The following EPHA6 variants were observed in gnomAD, a reference collection of about 807,000 sequenced individuals.
The protein encoded by EPHA6 is EPH receptor A6, also known as ephrin type-A receptor 6.
EPHA6 carries 50 observed loss-of-function variants against 112.0 expected under a neutral mutation model. That is an observed-to-expected ratio of 0.45 (90% CI 0.36 to 0.56). The LOEUF (loss-of-function observed/expected upper bound fraction) is 0.56. Ranked by LOEUF, EPHA6 falls within the 20% of genes least tolerant of loss-of-function variation. The probability of loss-of-function intolerance (pLI) is 0.00; values close to 1 mark genes in which losing one functional copy is unlikely to be tolerated. For synonymous variants in EPHA6, 529 were observed against 490.7 expected (o/e 1.08, Z -1.03); for missense variants, 1,280 against 1,417.4 (o/e 0.90, Z 1.56).
chr3:96,960,537 T>C (rs1191940306), intron 2 of EPHA6, among the ~76,000 whole-genome samples: 1 of 152,144 alleles, frequency 6.6e-6, no homozygotes, highest in Non-Finnish European at 1.5e-5. Context: ...CCTACCCCAA[T>C]CTTCAAATAT....
chr3:96,818,695 G>A (rs962746196), intron 1 of EPHA6, among the ~76,000 whole-genome samples: 2 of 151,778 alleles, frequency 1.3e-5, no homozygotes, highest in African/African-American at 4.8e-5. Context: ...TAGAAATGGA[G>A]ACATTGAGGA....
intron 11 of EPHA6, among the ~76,000 whole-genome samples, chr3:97,563,563 G>C (rs938880895): frequency 6.6e-6 from 1 of 152,120 alleles, no homozygotes; most frequent in Admixed American, 6.6e-5. Context: ...AGATGTATAC[G>C]TTCAAACCAT....
intron 5 of EPHA6, among the ~76,000 whole-genome samples, chr3:97,273,803 A>G (rs1394618551): frequency 6.6e-6 from 1 of 152,214 alleles, no homozygotes; most frequent in Non-Finnish European, 1.5e-5. Flanking sequence ...TATGTCTGAC[A>G]GAAGGGAAGA....
intron 12 of EPHA6, among the ~76,000 whole-genome samples, chr3:97,608,466 A>G (rs1445867505): frequency 6.6e-6 from 1 of 151,348 alleles, no homozygotes; most frequent in Non-Finnish European, 1.5e-5. Context: ...AACCCAGTGA[A>G]TGAGGATACA....
chr3:97,221,668 T>C (rs369032110), intron 3 of EPHA6, among the ~76,000 whole-genome samples: 12 of 152,160 alleles, frequency 7.9e-5, no homozygotes, highest in African/African-American at 2.7e-4. Flanking sequence ...ACAGAATACT[T>C]GTGCAATTAT....
At chr3:97,422,465 G>A (rs924189891) in intron 6 of EPHA6, among the ~76,000 whole-genome samples, 2 of 152,126 alleles carry the variant, frequency 1.3e-5, no homozygotes, top group African/African-American at 4.8e-5. Flanking sequence ...CAGGTTTTTA[G>A]AGACCTCTGA....
intron 5 of EPHA6, among the ~76,000 whole-genome samples, chr3:97,285,647 A>G (rs1414368860): frequency 6.8e-6 from 1 of 146,902 alleles, no homozygotes; most frequent in Admixed American, 6.7e-5. Flanking sequence ...TTGATTCCAT[A>G]TATTTGCTAT....
At chr3:97,430,409 T>C (rs1231174402) in intron 6 of EPHA6, among the ~76,000 whole-genome samples, 2 of 152,060 alleles carry the variant, frequency 1.3e-5, no homozygotes, top group African/African-American at 4.8e-5. Context: ...GGTCAGCAAC[T>C]AAAATTTCAA....
intron 3 of EPHA6, among the ~76,000 whole-genome samples, chr3:97,070,185 T>A (rs2046309548): frequency 1.3e-5 from 2 of 152,146 alleles, no homozygotes; most frequent in South Asian, 4.1e-4. Flanking sequence ...ACCAATATTA[T>A]CTTTGTCATC....
intron 14 of EPHA6, among the ~76,000 whole-genome samples, chr3:97,689,448 A>G (rs932400860): frequency 3.3e-5 from 5 of 152,034 alleles, no homozygotes; most frequent in African/African-American, 9.7e-5. Context: ...TAGAAGGGTA[A>G]TTTTTTGGCG....
At chr3:97,003,112 T>C (rs947954554) in intron 3 of EPHA6, among the ~76,000 whole-genome samples, 1 of 151,914 alleles carries the variant, frequency 6.6e-6, no homozygotes, top group African/African-American at 2.4e-5. Flanking sequence ...ATTTCTTTTC[T>C]TTTTTTTCTT....
intron 3 of EPHA6, among the ~76,000 whole-genome samples, chr3:97,062,030 G>A (rs897616938): frequency 1.3e-5 from 2 of 152,172 alleles, no homozygotes; most frequent in Non-Finnish European, 2.9e-5. Context: ...GAAAGGAGGT[G>A]AAGATTCCCA....
intron 14 of EPHA6, among the ~76,000 whole-genome samples, chr3:97,657,263 T>C (rs996008365): frequency 2.6e-5 from 4 of 151,756 alleles, no homozygotes; most frequent in Admixed American, 6.6e-5. Flanking sequence ...TTAGTTAAGA[T>C]GAAACTATGT....
At chr3:97,093,186 C>T (rs561771480) in intron 3 of EPHA6, among the ~76,000 whole-genome samples, 1 of 152,138 alleles carries the variant, frequency 6.6e-6, no homozygotes, top group Non-Finnish European at 1.5e-5. Context: ...TGGTGGATAT[C>T]TAGCCATCTT....
intron 3 of EPHA6, among the ~76,000 whole-genome samples, chr3:97,046,450 T>G (rs1052730504): frequency 2.6e-5 from 4 of 152,164 alleles, no homozygotes; most frequent in Non-Finnish European, 5.9e-5. Context: ...TCAAAAAACA[T>G]ACTTCATTGT....
At chr3:96,959,925 T>A (rs947985372) in intron 2 of EPHA6, among the ~76,000 whole-genome samples, 3 of 151,950 alleles carry the variant, frequency 2.0e-5, no homozygotes, top group African/African-American at 4.8e-5. Flanking sequence ...GAGAAAAATA[T>A]GAGGGCAAGA....
chr3:97,316,253 A>G (rs143872858), intron 5 of EPHA6, among the ~76,000 whole-genome samples: 1 of 152,008 alleles, frequency 6.6e-6, no homozygotes, highest in East Asian at 1.9e-4. Context: ...AATTGGACCA[A>G]AATCACTGTA....
At chr3:97,174,339 G>A (rs1254461448) in intron 3 of EPHA6, among the ~76,000 whole-genome samples, 4 of 151,826 alleles carry the variant, frequency 2.6e-5, no homozygotes, top group African/African-American at 9.7e-5. Context: ...TAACTATGGT[G>A]AGCAGTGCTG....
intron 10 of EPHA6, among the ~76,000 whole-genome samples, chr3:97,504,632 A>G (rs899006789): frequency 4.6e-5 from 7 of 152,118 alleles, no homozygotes; most frequent in African/African-American, 1.7e-4. Context: ...CTGTGCTTTC[A>G]GGCTGTTCTT....
Sources: gnomAD v4.1 joint callset for allele counts (sites outside exome capture counted in the v4.1 genomes callset) on GRCh38, gnomAD v4.1.1 for gene constraint, MANE v1.5 for transcripts, NCBI Gene and HGNC (gene_info 2026-07-23, HGNC 2026-07-21) for gene names.